The following ZC3H12B variants were observed in gnomAD, a reference collection of about 807,000 sequenced individuals.
ZC3H12B encodes zinc finger CCCH-type containing 12B.
ZC3H12B carries 7 observed loss-of-function variants against 43.9 expected under a neutral mutation model. The observed-to-expected ratio is 0.16, with a 90% CI of 0.09 to 0.30. The LOEUF is 0.30. Among genes scored for constraint, ZC3H12B ranks in the 10% least tolerant of loss-of-function variants. The probability of loss-of-function intolerance (pLI) is 1.00; values close to 1 mark genes in which losing one functional copy is unlikely to be tolerated. For missense variants in ZC3H12B, 475 were observed against 670.2 expected (o/e 0.71, Z 3.22); for synonymous variants, 222 against 241.7 (o/e 0.92, Z 0.76).
chrX:65,500,345 A>C (rs1428406447), intron 4 of ZC3H12B, among the ~76,000 whole-genome samples: 1 of 112,504 alleles, frequency 8.9e-6, no homozygotes, highest in Non-Finnish European at 1.9e-5. Flanking sequence ...CCCCAAGATG[A>C]ACATGTGTCT....
At chrX:65,167,419 G>A in the ZC3H12B span, among the ~76,000 whole-genome samples, 9,259 of 111,109 alleles carry the variant, frequency 0.083, 1,029 homozygotes, top group African/African-American at 0.29. Context: ...TTTTGGCACC[G>A]GTACCATGCT....
At chrX:65,055,715 C>T in the ZC3H12B span, among the ~76,000 whole-genome samples, 5 of 111,326 alleles carry the variant, frequency 4.5e-5, no homozygotes, top group African/African-American at 1.6e-4. Flanking sequence ...TTCTTCTGGT[C>T]CTGGTCTTTT....
At chrX:65,387,517 T>G (rs1310385738) in intron 2 of ZC3H12B, among the ~76,000 whole-genome samples, 3 of 112,035 alleles carry the variant, frequency 2.7e-5, no homozygotes, top group Non-Finnish European at 3.8e-5. Flanking sequence ...ATCCCTTTAT[T>G]TTGAGCCTAT....
chrX:65,080,534 A>T, the ZC3H12B span, among the ~76,000 whole-genome samples: 2 of 111,553 alleles, frequency 1.8e-5, no homozygotes, highest in Non-Finnish European at 3.8e-5. Flanking sequence ...CTGGCAGCAG[A>T]CATTTCAGTG....
At chrX:65,437,510 A>G (rs112390245) in intron 3 of ZC3H12B, among the ~76,000 whole-genome samples, 1,332 of 112,298 alleles carry the variant, frequency 0.012, 17 homozygotes, top group African/African-American at 0.041. Context: ...TGTCAAGCAC[A>G]TTTTCATATG....
At chrX:65,188,383 A>G in the ZC3H12B span, among the ~76,000 whole-genome samples, 1 of 99,974 alleles carries the variant, frequency 1.0e-5, no homozygotes, top group Non-Finnish European at 2.0e-5. Flanking sequence ...TTTTTTGAGA[A>G]GCCTTCAAAC....
the ZC3H12B span, among the ~76,000 whole-genome samples, chrX:65,356,327 G>A: frequency 1.8e-5 from 2 of 112,328 alleles, no homozygotes; most frequent in Non-Finnish European, 3.8e-5. Flanking sequence ...GTTGGGAAAT[G>A]CAGAAAAGAC....
At chrX:65,111,165 A>G in the ZC3H12B span, among the ~76,000 whole-genome samples, 2 of 111,116 alleles carry the variant, frequency 1.8e-5, no homozygotes, top group African/African-American at 3.3e-5. Flanking sequence ...ACGGTATATC[A>G]TCTGCTAATA....
chrX:65,375,700 G>A (rs1170824746), intron 2 of ZC3H12B, among the ~76,000 whole-genome samples: 1 of 111,049 alleles, frequency 9.0e-6, no homozygotes, highest in African/African-American at 3.3e-5. Flanking sequence ...AGCCAGAAGG[G>A]AACCCACCAC....
the ZC3H12B span, among the ~76,000 whole-genome samples, chrX:65,060,759 A>G: frequency 1.8e-5 from 2 of 112,394 alleles, no homozygotes; most frequent in Admixed American, 9.4e-5. Context: ...GCCAACAAAC[A>G]TATGAAGAAA....
At chrX:65,422,489 C>A (rs2067029476) in intron 3 of ZC3H12B, among the ~76,000 whole-genome samples, 2 of 111,500 alleles carry the variant, frequency 1.8e-5, no homozygotes, top group Admixed American at 1.9e-4. Flanking sequence ...ATCAACTTGA[C>A]TGGGTCACAG....
chrX:65,418,260 C>T (rs1393176376), intron 3 of ZC3H12B, among the ~76,000 whole-genome samples: 2 of 111,300 alleles, frequency 1.8e-5, no homozygotes, highest in African/African-American at 6.5e-5. Context: ...TAATGGAATA[C>T]CCTAGCTCAT....
At chrX:65,039,935 C>T in the ZC3H12B span, among the ~76,000 whole-genome samples, 7 of 111,312 alleles carry the variant, frequency 6.3e-5, no homozygotes, top group African/African-American at 2.0e-4. Context: ...TTCCTCATTG[C>T]GTGTTTACCA....
At chrX:65,082,934 A>G in the ZC3H12B span, among the ~76,000 whole-genome samples, 3 of 111,389 alleles carry the variant, frequency 2.7e-5, no homozygotes, top group Non-Finnish European at 3.8e-5. Flanking sequence ...TATCTCTGGG[A>G]TTCAAGAATA....
chrX:65,224,475 A>T, the ZC3H12B span, among the ~76,000 whole-genome samples: 1 of 112,583 alleles, frequency 8.9e-6, no homozygotes, highest in Non-Finnish European at 1.9e-5. Context: ...CTGCATTTCC[A>T]TCTGAAGTAC....
chrX:65,492,377 T>C (rs1341531311), intron 1 of ZC3H12B, among the ~76,000 whole-genome samples: 1 of 112,445 alleles, frequency 8.9e-6, no homozygotes, highest in Non-Finnish European at 1.9e-5. Flanking sequence ...TCTATGTCAG[T>C]AGCAAACTGT....
chrX:65,507,626 T>C (rs866557543), exon 5 of ZC3H12B: 2 of 112,185 alleles, frequency 1.8e-5, no homozygotes, highest in Admixed American at 9.5e-5. Flanking sequence ...GTTTTTTGTT[T>C]GACCCAAACA....
intron 2 of ZC3H12B, among the ~76,000 whole-genome samples, chrX:65,387,574 C>A (rs983531671): frequency 8.9e-6 from 1 of 111,936 alleles, no homozygotes; most frequent in Non-Finnish European, 1.9e-5. Context: ...AGCACACTGA[C>A]TGGTCTTGAC....
chrX:65,296,659 G>T, the ZC3H12B span, among the ~76,000 whole-genome samples: 1 of 110,867 alleles, frequency 9.0e-6, no homozygotes, highest in South Asian at 3.8e-4. Context: ...ATTCTATGAA[G>T]TCAGTATCAC....
Sources: gnomAD v4.1 joint callset for allele counts (sites outside exome capture counted in the v4.1 genomes callset) on GRCh38, gnomAD v4.1.1 for gene constraint, MANE v1.5 for transcripts, NCBI Gene and HGNC (gene_info 2026-07-23, HGNC 2026-07-21) for gene names.